The following RNF44 variants were observed in gnomAD, a reference collection of about 807,000 sequenced individuals.
RNF44 encodes the protein ring finger protein 44.
RNF44 carries 25 observed loss-of-function variants against 53.6 expected under a neutral mutation model. That is an observed-to-expected ratio of 0.47 (90% CI 0.34 to 0.65). RNF44 has a LOEUF of 0.65. Among genes scored for constraint, RNF44 ranks in the 30% least tolerant of loss-of-function variants. The probability of loss-of-function intolerance (pLI) is 0.01; values close to 1 mark genes in which losing one functional copy is unlikely to be tolerated. For missense variants in RNF44, 581 were observed against 595.5 expected (o/e 0.98, Z 0.25); for synonymous variants, 282 against 252.2 (o/e 1.12, Z -1.12).
At chr5:176,533,799 C>G (rs555951656) in intron 1 of RNF44, among the ~76,000 whole-genome samples, 1 of 152,214 alleles carries the variant, frequency 6.6e-6, no homozygotes, top group Non-Finnish European at 1.5e-5. Flanking sequence ...GGACGAGGCC[C>G]TGGCAGGAAA....
In RNF44 at chr5:176,532,084, A is replaced by C. The variant is rs960555379; in HGVS notation, c.217T>G (p.Ser73Ala). Residue 73 changes from serine (S) to alanine (A), a missense_variant, in exon 3 of 11, where the codon TCG becomes GCG. This residue lies in a region of RNF44 where 387 missense variants were observed against 366.0 expected (regional missense o/e 1.06). Coordinates refer to ENST00000274811, the MANE Select transcript of RNF44 (RefSeq NM_014901.5). ...CGGGGGCTCCCGCCGGCAGGAGCCG[A>C]GGCTCGGCGCTCCTCTACGGGGAGG... ...PHLPVEERRASAPAGGSPRML... is the reference protein window; with the variant it reads ...PHLPVEERRAAAPAGGSPRML... The C allele has an allele frequency of 4.7e-5, 75 of 1,604,612 alleles. No homozygotes were observed. The highest frequency in any genetic ancestry group is 6.1e-5 in the Non-Finnish European group (72 of 1,175,982).
Position 176,528,809 on chromosome 5 carries a change from GGGCA to G in RNF44, c.*215_*218del, listed in dbSNP as rs1756278882. Reference sequence around the variant, plus strand: ...ACACTCAGGCAGCTCCGTGGCGGGCGGGCAGGCAGGCAGACTAGGGAGGGAGTCT... The same window carrying G: ...ACACTCAGGCAGCTCCGTGGCGGGCGGGCAGGCAGACTAGGGAGGGAGTCT... On this transcript the variant is annotated 3_prime_UTR_variant, in exon 11 of 11. Coordinates refer to ENST00000274811, the MANE Select transcript of RNF44 (RefSeq NM_014901.5). The G allele has an allele frequency of 2.9e-5, 17 of 577,520 alleles. No individual in the cohort carries two copies. The highest frequency in any genetic ancestry group is 1.3e-4 in the Admixed American group (4 of 31,876). The allele number at this position is 577,520 out of a possible 1,614,324, so 35.8% of individuals were successfully genotyped here.
intron 1 of RNF44, among the ~76,000 whole-genome samples, chr5:176,532,934 A>G (rs972746961): frequency 6.6e-6 from 1 of 151,866 alleles, no homozygotes; most frequent in Non-Finnish European, 1.5e-5. Flanking sequence ...GCCTGCCAGC[A>G]CCCAGGCCTC....
At position 176,537,152 on chromosome 5, in the gene RNF44, T is replaced by C. The variant is rs1469633413; in HGVS notation, c.-257A>G. The C allele has an allele frequency of 6.6e-6, 1 of 152,210 alleles. No homozygotes were observed. Among genetic ancestry groups the C allele is most frequent in the Non-Finnish European group, 1.5e-5 (1 of 68,080 alleles). 9.4% of individuals were successfully genotyped at this position (152,210 alleles called of 1,614,324 possible). A position where few individuals can be genotyped will look rare whatever the true frequency, so the allele number is the denominator to read the frequency against. ...TGTTGTCCGCCCGACGGCGTCTGCC[T>C]CGCGAGGCCCACGCGCGATCAGTCT... On this transcript the variant is annotated 5_prime_UTR_variant, in exon 1 of 11. Transcript: ENST00000274811.
At position 176,530,745 on chromosome 5, in the gene RNF44, TG is replaced by T. The variant is rs778176257; in HGVS notation, c.640-3del. On this transcript the variant is annotated splice_polypyrimidine_tract_variant and splice_region_variant and intron_variant, in intron 5 of 10. Transcript: ENST00000274811. Reference sequence around the variant, plus strand: ...GTCGTTGTCGAGCCGCTGGAGGGGCTGGAAGAACCAGCGCCGGGTCAGCAAG... The same window carrying T: ...GTCGTTGTCGAGCCGCTGGAGGGGCTGAAGAACCAGCGCCGGGTCAGCAAG... 6.5e-7 allele frequency: 1 copy of T among 1,531,128 alleles called. No individual in the cohort carries two copies. Among genetic ancestry groups the T allele is most frequent in the Non-Finnish European group, 8.8e-7 (1 of 1,142,418 alleles). The allele number at this position is 1,531,128 out of a possible 1,614,324, so 94.8% of individuals were successfully genotyped here.
At chr5:176,539,586 G>T (rs1052941282), upstream of RNF44, among the ~76,000 whole-genome samples, 7 of 152,252 alleles carry the variant, frequency 4.6e-5, no homozygotes, top group Non-Finnish European at 1.0e-4. Context: ...CACTTAGGAG[G>T]CTGAGGCAGG....
intron 5 of RNF44, 39 bp downstream of exon 5, chr5:176,530,809 A>C: frequency 1.4e-6 from 2 of 1,414,314 alleles, no homozygotes; most frequent in Non-Finnish European, 1.9e-6. Context: ...GCCTCCCCCC[A>C]CGCCATCTCC....
Position 176,531,368 on chromosome 5 carries a change from T to A in RNF44, c.465+95A>T. 1 of 1,257,438 alleles carries A rather than the reference T, an allele frequency of 8.0e-7. No homozygotes were observed. Among genetic ancestry groups the A allele is most frequent in the Non-Finnish European group, 1.1e-6 (1 of 920,340 alleles). 77.9% of individuals were successfully genotyped at this position (1,257,438 alleles called of 1,614,324 possible). A position where few individuals can be genotyped will look rare whatever the true frequency, so the allele number is the denominator to read the frequency against. On this transcript the variant is annotated intron_variant, in intron 4 of 10. Coordinates refer to ENST00000274811, the MANE Select transcript of RNF44 (RefSeq NM_014901.5). The surrounding 1 kb of genome is among the most constrained non-coding windows in gnomAD (Gnocchi z 4.2). Reference sequence around the variant, plus strand: ...CTGACAGCCTGGATGGCTGGATAGCTCAGCCCAGTTCAGGGCTGCCCTGGG... The same window carrying A: ...CTGACAGCCTGGATGGCTGGATAGCACAGCCCAGTTCAGGGCTGCCCTGGG...
chr5:176,532,181 C>T lies in RNF44; in HGVS notation c.120G>A (p.Glu40=). The change falls in exon 3 of 11, where the codon GAG becomes GAA. Residue 40 remains glutamate, a synonymous_variant. Transcript: ENST00000274811. ...PGQLWGSPGL[E]GPLASPPARD... Reference sequence around the variant, plus strand: ...GGGCAGGCGGGCTGGCCAGGGGGCCCTCGAGGCCAGGGCTGCACCACAGAG... The same window carrying T: ...GGGCAGGCGGGCTGGCCAGGGGGCCTTCGAGGCCAGGGCTGCACCACAGAG... The T allele has an allele frequency of 6.5e-7, 1 of 1,531,900 alleles. No individual in the cohort carries two copies. The highest frequency in any genetic ancestry group is 8.8e-7 in the Non-Finnish European group (1 of 1,142,090). 94.9% of individuals were successfully genotyped at this position (1,531,900 alleles called of 1,614,324 possible). A position where few individuals can be genotyped will look rare whatever the true frequency, so the allele number is the denominator to read the frequency against.
At chr5:176,532,266 G>T (rs34700207) in intron 2 of RNF44, 73 bp from the exon 3 acceptor site, 1 of 1,509,764 alleles carries the variant, frequency 6.6e-7, no homozygotes, top group Admixed American at 2.2e-5. Flanking sequence ...GAGAAGCCAG[G>T]GTGACTCCCC....
chr5:176,531,405 G>T lies in RNF44; in HGVS notation c.465+58C>A. 2 of 1,499,848 alleles carry T rather than the reference G, an allele frequency of 1.3e-6. No homozygotes were observed. The highest frequency in any genetic ancestry group is 9.0e-7 in the Non-Finnish European group (1 of 1,117,130). 92.9% of individuals were successfully genotyped at this position (1,499,848 alleles called of 1,614,324 possible). A position where few individuals can be genotyped will look rare whatever the true frequency, so the allele number is the denominator to read the frequency against. ...AGGGCTGCCCTGGGCCCGCTGAGCC[G>T]CTGGCCTGTGCCTGGGGCTTGCAGC... is the stretch of plus-strand genomic sequence containing the variant. On this transcript the variant is annotated intron_variant, in intron 4 of 10. Transcript: ENST00000274811. The surrounding 1 kb of genome is among the most constrained non-coding windows in gnomAD (Gnocchi z 4.2).
In RNF44 at chr5:176,529,362, C is replaced by T. The variant is rs762183198; in HGVS notation, c.1162G>A (p.Glu388Lys). ...AGGACTCGGAGCAGCTGCCGCGCCTCGAAGTCACTGAAGCAGACCACACAC... is the reference window on the plus strand; with the variant it reads ...AGGACTCGGAGCAGCTGCCGCGCCTTGAAGTCACTGAAGCAGACCACACAC... ...TLCVVCFSDF[E>K]ARQLLRVLPC... The change falls in exon 10 of 11, where the codon GAG (glutamate) becomes AAG (lysine). Residue 388 changes from glutamate to lysine, a missense_variant. This residue lies in a region of RNF44 where 183 missense variants were observed against 198.6 expected (regional missense o/e 0.92). Transcript: ENST00000274811. 4.5e-5 allele frequency: 72 copies of T among 1,613,364 alleles called. No individual in the cohort carries two copies. The highest frequency in any genetic ancestry group is 1.6e-4 in the Middle Eastern group (1 of 6,080).
rs769153280 is a variant in RNF44 at position 176,530,911 on chromosome 5, G to A, written c.576C>T (p.Pro192=). 2.9e-6 allele frequency: 4 copies of A among 1,401,828 alleles called. No individual in the cohort carries two copies. Among genetic ancestry groups the A allele is most frequent in the Non-Finnish European group, 3.8e-6 (4 of 1,065,944 alleles). 86.8% of individuals were successfully genotyped at this position (1,401,828 alleles called of 1,614,324 possible). The change falls in exon 5 of 11, where the codon CCC becomes CCT. Residue 192 remains proline, a synonymous_variant. Coordinates refer to ENST00000274811, the MANE Select transcript of RNF44 (RefSeq NM_014901.5). ...CCAGGGGCGCCATGTGGGTGGGCTG[G>A]GGGGGTGGGGCCGGTGGTGGGGGGT... ...ILHPPPPAPP[P]QPTHMAPLGQ...
rs931332367 is a variant in RNF44 at position 176,528,079 on chromosome 5, A to G, written c.*949T>C. Reference sequence around the variant, plus strand: ...CCGCCCAGCCCAGCCCGGCACACGCATGCATGCAGGCCGGCCAGCATGACC... The same window carrying G: ...CCGCCCAGCCCAGCCCGGCACACGCGTGCATGCAGGCCGGCCAGCATGACC... On this transcript the variant is annotated 3_prime_UTR_variant, in exon 11 of 11. Coordinates refer to ENST00000274811, the MANE Select transcript of RNF44 (RefSeq NM_014901.5). The G allele has an allele frequency of 1.3e-5, 2 of 152,456 alleles. No individual in the cohort carries two copies. The highest frequency in any genetic ancestry group is 2.9e-5 in the Non-Finnish European group (2 of 68,206). The allele number at this position is 152,456 out of a possible 1,614,324, so 9.4% of individuals were successfully genotyped here. A position where few individuals can be genotyped will look rare whatever the true frequency, so the allele number is the denominator to read the frequency against.
In RNF44 at chr5:176,530,729, G is replaced by A. The variant is rs139293299; in HGVS notation, c.654C>T (p.Leu218=). The stretch of plus-strand genomic sequence containing the variant: ...CCCCACGCAGGTCCACGTCGTTGTC[G>A]AGCCGCTGGAGGGGCTGGAAGAACC... ...TQHPRMPLQR[L]DNDVDLRGDQ... Residue 218 remains leucine, a synonymous_variant, in exon 6 of 11, where the codon CTC becomes CTT. Transcript: ENST00000274811. The A allele has an allele frequency of 1.8e-5, 28 of 1,543,326 alleles. No homozygotes were observed. Among genetic ancestry groups the A allele is most frequent in the Middle Eastern group, 3.4e-4 (2 of 5,884 alleles).
Position 176,531,971 on chromosome 5 carries a change from G to T in RNF44, c.297+33C>A. On this transcript the variant is annotated intron_variant, in intron 3 of 10. Transcript: ENST00000274811. This position sits in a 1 kb window ranked among gnomAD's most constrained non-coding sequence, Gnocchi z 4.2. ...CTCTGCCTCTCAGACTGGCTCACAG[G>T]GCCAGGGGCACAGGGGATGGGGTTC... The T allele has an allele frequency of 6.3e-7, 1 of 1,576,112 alleles. No individual in the cohort carries two copies. Among genetic ancestry groups the T allele is most frequent in the Non-Finnish European group, 8.6e-7 (1 of 1,161,950 alleles).
upstream of RNF44, among the ~76,000 whole-genome samples, chr5:176,540,771 T>G (rs1174176025): frequency 6.6e-6 from 1 of 152,160 alleles, no homozygotes; most frequent in Non-Finnish European, 1.5e-5. Context: ...GTCATTTGAG[T>G]TTCCCCTCAG....
intron 7 of RNF44, 94 bp downstream of exon 7, chr5:176,529,988 C>T: frequency 3.4e-6 from 5 of 1,456,454 alleles, no homozygotes; most frequent in Non-Finnish European, 4.6e-6. Flanking sequence ...GCTTCAGAGG[C>T]CCTGGGGCCC....
intron 9 of RNF44, 26 bp downstream of exon 9, chr5:176,529,497 G>A (rs1423087583): frequency 4.3e-5 from 70 of 1,613,376 alleles, no homozygotes; most frequent in Non-Finnish European, 5.9e-5. Context: ...TGTTCAGAGG[G>A]GTGGGAGGTG....
Sources: allele counts gnomAD v4.1 joint callset (sites outside exome capture counted in the v4.1 genomes callset), GRCh38; gene constraint gnomAD v4.1.1; regional missense constraint gnomAD v4.1.1; non-coding constraint Gnocchi (gnomAD v3.1); transcripts MANE v1.5; gene names NCBI Gene and HGNC (gene_info 2026-07-23, HGNC 2026-07-21).